KSR2: variants seen among roughly 807,000 people sequenced by gnomAD.
KSR2 encodes kinase suppressor of ras 2.
KSR2 carries 25 observed loss-of-function variants against 107.8 expected under a neutral mutation model. The observed-to-expected ratio is 0.23, with a 90% CI of 0.17 to 0.32. The LOEUF is 0.32. KSR2 is among the 10% of genes least tolerant of loss of function. KSR2 has a pLI of 1.00. For synonymous variants in KSR2, 480 were observed against 507.0 expected (o/e 0.95, Z 0.71); for missense variants, 887 against 1,268.9 (o/e 0.70, Z 4.57).
chr12:117,692,430 A>G (rs1885853464), intron 4 of KSR2, among the ~76,000 whole-genome samples: 1 of 138,470 alleles, frequency 7.2e-6, no homozygotes, highest in African/African-American at 2.7e-5. Context: ...GAATTACCAT[A>G]TGACCTGGCA....
Position 117,475,093 on chromosome 12 carries a change from G to A in KSR2, c.2582+1371C>T, listed in dbSNP as rs567228466. On this transcript the variant is annotated intron_variant, in intron 17 of 19. Transcript: ENST00000339824. ...CAGTGAAGGCTGCCAGCATTTCCCT[G>A]TGTATTGGACACCCGGCCCCCATCC... Among the ~76,000 whole-genome samples the A allele has an allele frequency of 2.6e-5, 4 of 152,242 alleles. No homozygotes were observed. In the South Asian group the frequency reaches 6.2e-4, roughly 24 times the overall value.
At chr12:117,680,562 C>T (rs1290748764) in intron 4 of KSR2, among the ~76,000 whole-genome samples, 1 of 152,182 alleles carries the variant, frequency 6.6e-6, no homozygotes, top group Non-Finnish European at 1.5e-5. Flanking sequence ...CTCCTCTCCT[C>T]CTCTCCAAGT....
Position 117,626,695 on chromosome 12 carries a change from G to A in KSR2, c.1171+40779C>T, listed in dbSNP as rs1457184271. The stretch of plus-strand genomic sequence containing the variant: ...ATGTATACTCTGTTGATTTGGGGTG[G>A]AGAGTTATGAAGATGTCTATTTGGC... On this transcript the variant is annotated intron_variant, in intron 5 of 19. Coordinates refer to ENST00000339824, the MANE Select transcript of KSR2 (RefSeq NM_173598.6). Among the ~76,000 whole-genome samples the A allele has an allele frequency of 2.6e-5, 4 of 152,188 alleles. No individual in the cohort carries two copies. The East Asian group carries it at 7.7e-4, about 29-fold the overall frequency.
At chr12:117,596,272 C>T (rs560290447) in intron 5 of KSR2, among the ~76,000 whole-genome samples, 5 of 152,232 alleles carry the variant, frequency 3.3e-5, no homozygotes, top group African/African-American at 9.6e-5. Flanking sequence ...CATCAGATCT[C>T]ATGATTCTTA....
intron 9 of KSR2, among the ~76,000 whole-genome samples, chr12:117,546,069 T>C (rs971835623): frequency 1.2e-4 from 19 of 152,226 alleles, no homozygotes; most frequent in African/African-American, 4.6e-4. Flanking sequence ...TTGTACACTT[T>C]TTACTGTTTT....
intron 4 of KSR2, among the ~76,000 whole-genome samples, chr12:117,703,396 G>C (rs1011963729): frequency 7.2e-5 from 11 of 152,104 alleles, no homozygotes; most frequent in African/African-American, 2.7e-4. Context: ...CCTTGAGAGT[G>C]GGCACCTCCC....
intron 5 of KSR2, among the ~76,000 whole-genome samples, chr12:117,592,838 T>G (rs1880407037): frequency 6.6e-6 from 1 of 151,724 alleles, no homozygotes; most frequent in Non-Finnish European, 1.5e-5. Context: ...GTGGGGACAC[T>G]GGTGGCCAAT....
At chr12:117,900,509 C>T (rs1322027277) in intron 1 of KSR2, among the ~76,000 whole-genome samples, 2 of 152,162 alleles carry the variant, frequency 1.3e-5, no homozygotes, top group Non-Finnish European at 2.9e-5. Flanking sequence ...ATAGTGTTGA[C>T]TACCATGTAT....
At chr12:117,899,141 C>A (rs1484671114) in intron 1 of KSR2, among the ~76,000 whole-genome samples, 1 of 152,122 alleles carries the variant, frequency 6.6e-6, no homozygotes, top group Non-Finnish European at 1.5e-5. Context: ...AAGCTTCCAG[C>A]AACTCCCGCC....
intron 3 of KSR2, among the ~76,000 whole-genome samples, chr12:117,793,896 C>T (rs1890429122): frequency 6.9e-6 from 1 of 144,416 alleles, no homozygotes; most frequent in Admixed American, 6.9e-5. Flanking sequence ...ATGCACACAC[C>T]AACATGCACA....
intron 5 of KSR2, among the ~76,000 whole-genome samples, chr12:117,613,200 G>T (rs1291850893): frequency 6.6e-6 from 1 of 152,202 alleles, no homozygotes; most frequent in Non-Finnish European, 1.5e-5. Flanking sequence ...TAGTGGGGCT[G>T]TAATTCCACG....
intron 14 of KSR2, among the ~76,000 whole-genome samples, chr12:117,487,097 G>C (rs1872507116): frequency 6.6e-6 from 1 of 152,202 alleles, no homozygotes; most frequent in Non-Finnish European, 1.5e-5. Context: ...AATCAGGCAT[G>C]TAAAGGTGTA....
At chr12:117,872,042 C>T (rs1893671638) in intron 1 of KSR2, among the ~76,000 whole-genome samples, 1 of 152,224 alleles carries the variant, frequency 6.6e-6, no homozygotes, top group African/African-American at 2.4e-5. Context: ...TAAAGACACA[C>T]AGGCCATCCT....
intron 9 of KSR2, among the ~76,000 whole-genome samples, chr12:117,540,117 C>A (rs895651523): frequency 7.2e-5 from 11 of 152,048 alleles, no homozygotes; most frequent in African/African-American, 2.7e-4. Flanking sequence ...ACTGCTTGGA[C>A]CCCAGAGTGA....
intron 5 of KSR2, among the ~76,000 whole-genome samples, chr12:117,616,168 A>AAAC (rs1881875263): frequency 1.6e-5 from 2 of 129,026 alleles, no homozygotes; most frequent in Admixed American, 1.6e-4. Flanking sequence ...CTCGAAAAAA[A>AAAC]AAAAAAACAG....
At position 117,545,238 on chromosome 12, in the gene KSR2, A is replaced by G. The variant is rs142661542; in HGVS notation, c.1519-5351T>C. Among the ~76,000 whole-genome samples, 76 of 152,308 alleles carry G rather than the reference A, an allele frequency of 5.0e-4. No individual in the cohort carries two copies. In the East Asian group the frequency reaches 0.013, roughly 26 times the overall value. On this transcript the variant is annotated intron_variant, in intron 9 of 19. Transcript: ENST00000339824. The stretch of plus-strand genomic sequence containing the variant: ...TTTTGTTAAGAATTTTCGCATCTAT[A>G]TTAATGAAGAATATTAGTCTGTAGT...
At chr12:117,649,559 C>T (rs537897710) in intron 5 of KSR2, among the ~76,000 whole-genome samples, 3 of 152,270 alleles carry the variant, frequency 2.0e-5, no homozygotes, top group Non-Finnish European at 2.9e-5. Flanking sequence ...GGATATGATG[C>T]CCAGTTTTAA....
Position 117,775,124 on chromosome 12 carries a change from C to T in KSR2, c.473-13600G>A, listed in dbSNP as rs528413171. On this transcript the variant is annotated intron_variant, in intron 3 of 19. Coordinates refer to ENST00000339824, the MANE Select transcript of KSR2 (RefSeq NM_173598.6). ...TAGTGCTGCTATGAACATTTGTGTA[C>T]GAGTATTTGTTTGAACATCTGTTTT... 1.2e-4 allele frequency among the ~76,000 whole-genome samples: 18 copies of T among 152,230 alleles called. No homozygotes were observed. In the South Asian group the frequency reaches 1.7e-3, roughly 14 times the overall value.
At chr12:117,728,456 C>A (rs200762606) in intron 4 of KSR2, among the ~76,000 whole-genome samples, 3 of 152,188 alleles carry the variant, frequency 2.0e-5, no homozygotes, top group African/African-American at 7.2e-5. Context: ...TTGGCCCAGG[C>A]GGACATCCCA....
Sources: gnomAD v4.1 joint callset for allele counts (sites outside exome capture counted in the v4.1 genomes callset) on GRCh38, gnomAD v4.1.1 for gene constraint, MANE v1.5 for transcripts, NCBI Gene and HGNC (gene_info 2026-07-23, HGNC 2026-07-21) for gene names.